MACF1: variants seen among roughly 807,000 people sequenced by gnomAD.
MACF1 encodes the protein microtubule actin crosslinking factor 1, also known as microtubule-actin cross-linking factor 1.
MACF1 carries 193 observed loss-of-function variants against 854.8 expected under a neutral mutation model. That is an observed-to-expected ratio of 0.23 (90% CI 0.20 to 0.25). The LOEUF (loss-of-function observed/expected upper bound fraction) is 0.25. Among genes scored for constraint, MACF1 ranks in the 10% least tolerant of loss-of-function variants. MACF1 has a pLI of 1.00. For missense variants in MACF1, 7,722 were observed against 8,929.1 expected, an observed-to-expected ratio of 0.86 and a Z score of 5.45; for synonymous variants, 3,185 against 3,226.7, an observed-to-expected ratio of 0.99 and a Z score of 0.44.
rs1480306835 is a variant in MACF1, at chr1:39,357,810, G to T, written c.11860G>T (p.Gly3954Cys). ...VLDMENSFKE[G>C]KEPSEIGNLV... ...GGACATGGAAAACAGTTTTAAGGAA[G>T]GCAAAGAACCATCAGAAATTGGAAA... Residue 3954 changes from glycine to cysteine, a missense_variant, in exon 45 of 101, where the codon GGC becomes TGC. Physicochemically the swap from Gly to Cys is radical, Grantham distance 159 (BLOSUM62 -3). Around this residue, in one of 15 missense-constraint regions of MACF1, gnomAD observed 2,807 missense variants for 3,235.8 expected, o/e 0.87. Coordinates refer to ENST00000564288, the MANE Select transcript of MACF1 (RefSeq NM_001394062.1). 1.9e-6 allele frequency: 3 copies of T among 1,613,964 alleles called. No homozygotes were observed. The African/African-American group carries it at 4.0e-5, about 22-fold the overall frequency.
intron 20 of MACF1, among the ~76,000 whole-genome samples, chr1:39,297,037 C>G (rs1645934202): frequency 6.6e-6 from 1 of 151,910 alleles, no homozygotes; most frequent in Non-Finnish European, 1.5e-5. Flanking sequence ...CATTCTCCTG[C>G]CTCAGCCTCT....
Position 39,454,914 on chromosome 1 carries a change from G to T in MACF1, c.20892G>T (p.Leu6964=), listed in dbSNP as rs368970987. 6.2e-7 allele frequency: 1 copy of T among 1,613,786 alleles called. No individual in the cohort carries two copies. The highest frequency in any genetic ancestry group is 8.5e-7 in the Non-Finnish European group (1 of 1,179,792). The change falls in exon 89 of 101, where the codon CTG becomes CTT. Residue 6964 remains leucine (L), a synonymous_variant. Transcript: ENST00000564288. ...TIIRARFEEV[L]TWAKQHQQRL... ...GTTTCCTTCTTTTTCCACAGGTCCTGACATGGGCTAAGCAGCACCAGCAGC... is the reference window on the plus strand; with the variant it reads ...GTTTCCTTCTTTTTCCACAGGTCCTTACATGGGCTAAGCAGCACCAGCAGC...
intron 95 of MACF1, among the ~76,000 whole-genome samples, chr1:39,467,320 G>A (rs1050224022): frequency 2.6e-5 from 4 of 152,042 alleles, no homozygotes; most frequent in South Asian, 2.1e-4. Context: ...AGCCAAGATC[G>A]CGCCACTGCA....
intron 58 of MACF1, among the ~76,000 whole-genome samples, chr1:39,398,083 C>T (rs1373501047): frequency 6.6e-6 from 1 of 151,442 alleles, no homozygotes; most frequent in Non-Finnish European, 1.5e-5. Flanking sequence ...GTTTATGCTA[C>T]ACCAGTGGTT....
At chr1:39,467,781 C>T (rs555021550) in intron 95 of MACF1, 5 of 152,252 alleles carry the variant, frequency 3.3e-5, no homozygotes, top group Admixed American at 3.3e-4. Context: ...GCAAATACTT[C>T]GGGTTAATTC....
intron 100 of MACF1, 85 bp from the exon 101 acceptor site, chr1:39,485,453 A>G: frequency 7.1e-7 from 1 of 1,407,124 alleles, no homozygotes; most frequent in Non-Finnish European, 9.5e-7. Flanking sequence ...AAGATCACAC[A>G]GGATCAGAAC....
chr1:39,292,619 T>C (rs1289715389), intron 16 of MACF1, 147 bp from the exon 17 acceptor site: 1 of 610,734 alleles, frequency 1.6e-6, no homozygotes, highest in East Asian at 2.8e-5. Flanking sequence ...AAAATATGAC[T>C]CAGAAATTTG....
At chr1:39,414,635 AAT>A in intron 58 of MACF1, 1 of 1,138,442 alleles carries the variant, frequency 8.8e-7, no homozygotes, top group Non-Finnish European at 1.2e-6. Flanking sequence ...TTTTGGGGAA[AAT>A]ATACTTTAAT....
rs759696767 is a variant in MACF1 at position 39,388,528 on chromosome 1, G to A, written c.15686G>A (p.Arg5229His). Residue 5229 changes from arginine (R) to histidine (H), a missense_variant, in exon 58 of 101, where the codon CGT (arginine) becomes CAT (histidine). Coordinates refer to ENST00000564288, the MANE Select transcript of MACF1 (RefSeq NM_001394062.1). ...GAACAGCTGGAACTGACACTAGGCCGTGTAGAGGACTTCTACAGGAAATTG... is the reference window on the plus strand; with the variant it reads ...GAACAGCTGGAACTGACACTAGGCCATGTAGAGGACTTCTACAGGAAATTG... The part of the protein sequence containing the change: ...RQEQLELTLG[R>H]VEDFYRKLKG... 52 of 1,614,080 alleles carry A rather than the reference G, an allele frequency of 3.2e-5. No homozygotes were observed. Among genetic ancestry groups the A allele is most frequent in the African/African-American group, 9.3e-5 (7 of 74,926 alleles).
chr1:39,399,223 C>T (rs1569887142), intron 58 of MACF1, among the ~76,000 whole-genome samples: 4 of 152,228 alleles, frequency 2.6e-5, no homozygotes, highest in Admixed American at 6.5e-5. Context: ...TTCTGTGTCT[C>T]CAGTCTTGGA....
At chr1:39,291,138 G>A (rs557857522) in intron 15 of MACF1, among the ~76,000 whole-genome samples, 1 of 147,370 alleles carries the variant, frequency 6.8e-6, no homozygotes, top group South Asian at 2.2e-4. Context: ...CACCATGCCT[G>A]GCTGATTTTT....
In MACF1 at chr1:39,340,802, A is replaced by C; in HGVS notation, c.10432-2A>C. ...TAATGTGATTTTCCATTTATTTCTT[A>C]GACTAAAGTGTTAAATCAGCACACA... On this transcript the variant is annotated splice_acceptor_variant, in intron 39 of 100. Coordinates refer to ENST00000564288, the MANE Select transcript of MACF1 (RefSeq NM_001394062.1). LOFTEE classifies it high-confidence loss of function. 1 of 1,612,472 alleles carries C rather than the reference A, an allele frequency of 6.2e-7. No individual in the cohort carries two copies. Among genetic ancestry groups the C allele is most frequent in the South Asian group, 1.1e-5 (1 of 90,738 alleles).
At chr1:39,146,801 A>G (rs1259677346) in intron 2 of MACF1, among the ~76,000 whole-genome samples, 1 of 152,224 alleles carries the variant, frequency 6.6e-6, no homozygotes, top group Non-Finnish European at 1.5e-5. Context: ...CAAGGTGACT[A>G]TAGTAAAAAT....
intron 2 of MACF1, among the ~76,000 whole-genome samples, chr1:39,123,054 T>G (rs1271174258): frequency 6.6e-6 from 1 of 151,992 alleles, no homozygotes; most frequent in Non-Finnish European, 1.5e-5. Context: ...ATCTTTTTCA[T>G]TAGCTGATCA....
intron 44 of MACF1, among the ~76,000 whole-genome samples, chr1:39,355,459 G>C (rs1569664493): frequency 1.7e-5 from 2 of 120,008 alleles, no homozygotes; most frequent in South Asian, 5.0e-4. Context: ...TTTTTCTTCT[G>C]CTTTTTTTTT....
intron 58 of MACF1, among the ~76,000 whole-genome samples, chr1:39,397,032 G>C (rs570133395): frequency 1.3e-5 from 2 of 152,298 alleles, no homozygotes; most frequent in Admixed American, 1.3e-4. Flanking sequence ...TTTGAAATAT[G>C]GATCTTTGCT....
chr1:39,285,884 G>C (rs1645632077), intron 14 of MACF1, 126 bp downstream of exon 14: 1 of 985,974 alleles, frequency 1.0e-6, no homozygotes, highest in Non-Finnish European at 1.5e-6. Context: ...GTCTCAATGG[G>C]GATACTACAG....
At chr1:39,113,640 G>A (rs1435393468) in intron 2 of MACF1, among the ~76,000 whole-genome samples, 1 of 152,154 alleles carries the variant, frequency 6.6e-6, no homozygotes, top group East Asian at 1.9e-4. Flanking sequence ...TTTAAACAGA[G>A]AAAAATAAAA....
chr1:39,385,691 T>G lies in MACF1; in HGVS notation c.14106T>G (p.Val4702=), dbSNP rs142872079. The change falls in exon 57 of 101, where the codon GTT becomes GTG. Residue 4702 remains valine, a synonymous_variant. Transcript: ENST00000564288. ...ACTTATCAGAGAAGGTGAGGGCAGT[T>G]GGACAACGGCTGAGTGTCCAGTCAG... ...LQDLSEKVRA[V]GQRLSVQSAI... 2.7e-5 allele frequency: 43 copies of G among 1,614,078 alleles called. No individual in the cohort carries two copies. The African/African-American group carries it at 4.7e-4, about 18-fold the overall frequency.
Sources: gnomAD v4.1 joint callset for allele counts (sites outside exome capture counted in the v4.1 genomes callset) on GRCh38, gnomAD v4.1.1 for gene constraint, gnomAD v4.1.1 regional missense constraint, MANE v1.5 for transcripts, NCBI Gene and HGNC (gene_info 2026-07-23, HGNC 2026-07-21) for gene names.